Variants in CADPS2 observed in about 807,000 individuals in gnomAD.
CADPS2 encodes the protein calcium-dependent secretion activator 2.
Under a neutral mutation model 172.5 loss-of-function variants are expected in CADPS2, and 93 were observed. The observed-to-expected ratio is 0.54, with a 90% CI of 0.46 to 0.64. The LOEUF is 0.64. CADPS2 is among the 30% of genes least tolerant of loss of function. The pLI, the probability that CADPS2 is intolerant of heterozygous loss-of-function variation, is 0.00. For missense variants in CADPS2, 1,420 were observed against 1,565.9 expected, an observed-to-expected ratio of 0.91 and a Z score of 1.57; for synonymous variants, 546 against 555.2, an observed-to-expected ratio of 0.98 and a Z score of 0.23.
At chr7:122,848,389 A>G (rs1812610015) in intron 1 of CADPS2, among the ~76,000 whole-genome samples, 2 of 152,098 alleles carry the variant, frequency 1.3e-5, no homozygotes, top group South Asian at 4.1e-4. Flanking sequence ...AAATTGGCAA[A>G]CACTTGCACA....
chr7:122,701,145 T>C (rs985019489), intron 2 of CADPS2, among the ~76,000 whole-genome samples: 1 of 152,086 alleles, frequency 6.6e-6, no homozygotes, highest in South Asian at 2.1e-4. Context: ...TCCTAGTAAC[T>C]TGAAGAAAAA....
chr7:122,351,401 A>AAAAAAAAAAAAAAAAAAAAAAAAAC (rs1283799796), intron 27 of CADPS2, among the ~76,000 whole-genome samples: 1 of 145,012 alleles, frequency 6.9e-6, no homozygotes, highest in Non-Finnish European at 1.5e-5. Flanking sequence ...AAAAAAAAAA[A>AAAAAAAAAAAAAAAAAAAAAAAAAC]AATTCCAAAC....
chr7:122,418,417 AT>A (rs2048183345), intron 17 of CADPS2, among the ~76,000 whole-genome samples: 1 of 152,180 alleles, frequency 6.6e-6, no homozygotes, highest in Non-Finnish European at 1.5e-5. Context: ...ATGATGGGTG[AT>A]TATGGGAGAC....
chr7:122,613,519 C>T lies in CADPS2; in HGVS notation c.1223+1662G>A, dbSNP rs1329967036. On this transcript the variant is annotated intron_variant, in intron 6 of 29. Coordinates refer to ENST00000449022, the MANE Select transcript of CADPS2 (RefSeq NM_017954.11). ...TGTTCAACAAAATCACCTAATGACA[C>T]GTTTCTCAGAATGTATCCCTGCTGT... is the stretch of plus-strand genomic sequence containing the variant. Among the ~76,000 whole-genome samples the T allele has an allele frequency of 5.3e-5, 8 of 152,072 alleles. No individual in the cohort carries two copies. The East Asian group carries it at 1.2e-3, about 22-fold the overall frequency.
intron 7 of CADPS2, among the ~76,000 whole-genome samples, chr7:122,569,552 A>G (rs1447532932): frequency 7.7e-6 from 1 of 130,682 alleles, no homozygotes; most frequent in Non-Finnish European, 1.5e-5. Flanking sequence ...ATATGGAACC[A>G]AAAAAGAGCC....
intron 2 of CADPS2, among the ~76,000 whole-genome samples, chr7:122,712,855 C>A (rs1315359494): frequency 1.3e-5 from 2 of 151,976 alleles, no homozygotes; most frequent in African/African-American, 4.8e-5. Context: ...CTCTCTCAAG[C>A]CTCTTTTATA....
At chr7:122,641,187 T>C (rs766560159) in intron 3 of CADPS2, among the ~76,000 whole-genome samples, 4 of 152,318 alleles carry the variant, frequency 2.6e-5, no homozygotes, top group Non-Finnish European at 4.4e-5. Context: ...TTTACAGGTC[T>C]TTTTAAAAGG....
At chr7:122,776,388 T>C (rs913147804) in intron 1 of CADPS2, among the ~76,000 whole-genome samples, 3 of 152,122 alleles carry the variant, frequency 2.0e-5, no homozygotes, top group Non-Finnish European at 4.4e-5. Context: ...AACCTATTTT[T>C]CTTTATAAAG....
intron 29 of CADPS2, among the ~76,000 whole-genome samples, chr7:122,323,164 T>C (rs1328339699): frequency 6.6e-6 from 1 of 152,194 alleles, no homozygotes; most frequent in Admixed American, 6.5e-5. Context: ...ATTAAATTAT[T>C]AATTCACTTT....
chr7:122,671,849 G>C (rs2081898021), intron 2 of CADPS2, among the ~76,000 whole-genome samples: 1 of 152,148 alleles, frequency 6.6e-6, no homozygotes. Flanking sequence ...AGCAAAACTA[G>C]GGCAGACTTT....
chr7:122,839,129 T>G (rs1809553232), intron 1 of CADPS2, among the ~76,000 whole-genome samples: 2 of 152,158 alleles, frequency 1.3e-5, no homozygotes, highest in East Asian at 3.9e-4. Context: ...ATACCACACA[T>G]CTATAACCAT....
At chr7:122,628,441 G>A (rs528514145) in intron 4 of CADPS2, among the ~76,000 whole-genome samples, 1 of 151,976 alleles carries the variant, frequency 6.6e-6, no homozygotes, top group South Asian at 2.1e-4. Flanking sequence ...TGTTACGAGA[G>A]AGAGAAATAG....
At chr7:122,406,475 G>A (rs1264158942) in intron 20 of CADPS2, among the ~76,000 whole-genome samples, 1 of 152,154 alleles carries the variant, frequency 6.6e-6, no homozygotes. Context: ...CAGGAAGACA[G>A]GGAAGAAGGA....
chr7:122,713,387 T>C (rs1376096008), intron 2 of CADPS2, among the ~76,000 whole-genome samples: 1 of 152,074 alleles, frequency 6.6e-6, no homozygotes, highest in African/African-American at 2.4e-5. Context: ...AAAAGAGAGA[T>C]AACATTAGTA....
intron 1 of CADPS2, among the ~76,000 whole-genome samples, chr7:122,849,341 A>T (rs1224177218): frequency 6.6e-6 from 1 of 152,210 alleles, no homozygotes; most frequent in African/African-American, 2.4e-5. Flanking sequence ...TCACCAAAAA[A>T]CATTTTAATT....
chr7:122,528,719 C>G (rs1463162517), intron 8 of CADPS2, among the ~76,000 whole-genome samples: 2 of 152,122 alleles, frequency 1.3e-5, no homozygotes, highest in South Asian at 2.1e-4. Context: ...AAAAATGAAA[C>G]CAAGATAGTA....
At chr7:122,609,697 C>T (rs2074053064) in intron 6 of CADPS2, among the ~76,000 whole-genome samples, 1 of 152,144 alleles carries the variant, frequency 6.6e-6, no homozygotes, top group Non-Finnish European at 1.5e-5. Context: ...CTCCTAATTG[C>T]TGGCAGGAAA....
chr7:122,577,228 C>T (rs945920857), intron 7 of CADPS2, among the ~76,000 whole-genome samples: 3 of 151,988 alleles, frequency 2.0e-5, no homozygotes, highest in Non-Finnish European at 4.4e-5. Flanking sequence ...AATACCTAGC[C>T]TTAGGTATTT....
At chr7:122,794,118 C>T (rs1356683142) in intron 1 of CADPS2, among the ~76,000 whole-genome samples, 3 of 151,926 alleles carry the variant, frequency 2.0e-5, no homozygotes, top group Non-Finnish European at 4.4e-5. Flanking sequence ...GATCTTCTTG[C>T]TTCATTTCCT....
Sources: allele counts gnomAD v4.1 joint callset (sites outside exome capture counted in the v4.1 genomes callset), GRCh38; gene constraint gnomAD v4.1.1; transcripts MANE v1.5; gene names NCBI Gene and HGNC (gene_info 2026-07-23, HGNC 2026-07-21).